The following PLGRKT variants were observed in gnomAD, a reference collection of about 807,000 sequenced individuals.
The protein encoded by PLGRKT is plasminogen receptor with a C-terminal lysine, also known as plasminogen receptor (KT).
In PLGRKT, 22 loss-of-function variants were observed where a neutral mutation model predicts 18.5. The ratio of observed to expected loss-of-function variants is 1.19; its 90% CI spans 0.85 to 1.70. The LOEUF is 1.70. Among genes scored for constraint, PLGRKT ranks in the 40% most tolerant of loss-of-function variants. The pLI is 0.00. For synonymous variants in PLGRKT, 72 were observed against 52.8 expected (o/e 1.36, Z -1.58); for missense variants, 235 against 174.4 (o/e 1.35, Z -1.96).
At chr9:5,385,686 A>G (rs2131101237) in intron 3 of PLGRKT, among the ~76,000 whole-genome samples, 1 of 151,930 alleles carries the variant, frequency 6.6e-6, no homozygotes, top group Admixed American at 6.6e-5. Context: ...AACCCCCAAG[A>G]CAGAGAGGAT....
chr9:5,379,728 T>A (rs953419906), intron 3 of PLGRKT, among the ~76,000 whole-genome samples: 7 of 152,288 alleles, frequency 4.6e-5, no homozygotes, highest in African/African-American at 1.4e-4. Flanking sequence ...ACAACAAACA[T>A]CTCATTTTTG....
chr9:5,434,827 C>T lies in PLGRKT; in HGVS notation c.-7+1742G>A, dbSNP rs529180435. On this transcript the variant is annotated intron_variant, in intron 2 of 5. Coordinates refer to ENST00000223864, the MANE Select transcript of PLGRKT (RefSeq NM_018465.4). ...GTACCCAACAGCTCCGAAGAGACAG[C>T]GACCATCGAGAACGGGCCATGATGA... Among the ~76,000 whole-genome samples the T allele has an allele frequency of 9.9e-5, 15 of 152,222 alleles. No homozygotes were observed. The South Asian group carries it at 1.9e-3, about 19-fold the overall frequency.
Position 5,434,156 on chromosome 9 carries a change from G to A in PLGRKT, c.-6-2173C>T, listed in dbSNP as rs574863690. ...TCTGCCCCGCCGCCACCCCGTCTGG[G>A]AAGTGAGGAGCGCCTCTGCCCGGCC... On this transcript the variant is annotated intron_variant, in intron 2 of 5. Coordinates refer to ENST00000223864, the MANE Select transcript of PLGRKT (RefSeq NM_018465.4). Among the ~76,000 whole-genome samples, 7 of 151,346 alleles carry A rather than the reference G, an allele frequency of 4.6e-5. No individual in the cohort carries two copies. The South Asian group carries it at 1.0e-3, about 23-fold the overall frequency.
chr9:5,434,462 G>C (rs1157705821), intron 2 of PLGRKT, among the ~76,000 whole-genome samples: 4 of 146,340 alleles, frequency 2.7e-5, no homozygotes, highest in African/African-American at 1.0e-4. Flanking sequence ...CCGTCTGGGA[G>C]GTGAGGGGTG....
intron 3 of PLGRKT, among the ~76,000 whole-genome samples, chr9:5,388,651 G>A (rs1563775468): frequency 6.6e-6 from 1 of 152,032 alleles, no homozygotes; most frequent in South Asian, 2.1e-4. Context: ...GCCCTCAGTC[G>A]CCCTGGTCCT....
rs1053546518 is a variant in PLGRKT at position 5,389,338 on chromosome 9, T to C, written c.82-27450A>G. 9.2e-5 allele frequency among the ~76,000 whole-genome samples: 14 copies of C among 151,836 alleles called. 1 individual carries two copies. Among genetic ancestry groups the C allele is most frequent in the African/African-American group, 2.9e-4 (12 of 41,130 alleles). Reference sequence around the variant, plus strand: ...TGGCATGATTACAGAATGGTCTTGTTTTATGTCTTTGTTCATCACAAGTCA... The same window carrying C: ...TGGCATGATTACAGAATGGTCTTGTCTTATGTCTTTGTTCATCACAAGTCA... On this transcript the variant is annotated intron_variant, in intron 3 of 5. Transcript: ENST00000223864.
chr9:5,359,887 C>T (rs551572626), intron 5 of PLGRKT, among the ~76,000 whole-genome samples: 39 of 152,198 alleles, frequency 2.6e-4, no homozygotes, highest in African/African-American at 6.0e-4. Flanking sequence ...GTTTATTACA[C>T]GTGTTATACA....
intron 3 of PLGRKT, among the ~76,000 whole-genome samples, chr9:5,422,922 A>G (rs1818605143): frequency 6.6e-6 from 1 of 152,176 alleles, no homozygotes; most frequent in African/African-American, 2.4e-5. Context: ...TTCTAAATTG[A>G]CAAGATTATA....
At chr9:5,364,355 G>A (rs1038655740) in intron 3 of PLGRKT, among the ~76,000 whole-genome samples, 13 of 152,160 alleles carry the variant, frequency 8.5e-5, no homozygotes, top group African/African-American at 2.9e-4. Flanking sequence ...AGATTACCTG[G>A]GAACTCTCAA....
intron 3 of PLGRKT, among the ~76,000 whole-genome samples, chr9:5,406,237 G>C (rs1441371423): frequency 2.6e-5 from 4 of 152,166 alleles, no homozygotes. Context: ...AATACCATTT[G>C]ACCCAGCAAT....
rs986861939 is a variant in PLGRKT at position 5,358,022 on chromosome 9, C to T, written c.*217G>A. On this transcript the variant is annotated 3_prime_UTR_variant, in exon 6 of 6. Coordinates refer to ENST00000223864, the MANE Select transcript of PLGRKT (RefSeq NM_018465.4). ...ATTTTACACTTAGATATTGGTAATG[C>T]ACACAGAGAGAGGAAATCTAAAAGT... 28 of 396,660 alleles carry T rather than the reference C, an allele frequency of 7.1e-5. No homozygotes were observed. Among genetic ancestry groups the T allele is most frequent in the Non-Finnish European group, 1.2e-4 (27 of 222,940 alleles). The allele number at this position is 396,660 out of a possible 1,614,324, so 24.6% of individuals were successfully genotyped here. A position where few individuals can be genotyped will look rare whatever the true frequency, so the allele number is the denominator to read the frequency against.
Position 5,361,863 on chromosome 9 carries a change from C to T in PLGRKT, c.107G>A (p.Ser36Asn), listed in dbSNP as rs368058805. Reference sequence around the variant, plus strand: ...GGCCATTTGTCTTTCCCTCATTTCACTCTGCATGATGAGCTGCCTTTCCAG... The same window carrying T: ...GGCCATTTGTCTTTCCCTCATTTCATTCTGCATGATGAGCTGCCTTTCCAG... ...LQLERQLIMQSEMRERQMAMQ... is the reference protein window; with the variant it reads ...LQLERQLIMQNEMRERQMAMQ... Residue 36 changes from serine to asparagine, a missense_variant, in exon 4 of 6, where the codon AGT becomes AAT. Physicochemically the swap from Ser to Asn is conservative, Grantham distance 46. Coordinates refer to ENST00000223864, the MANE Select transcript of PLGRKT (RefSeq NM_018465.4). The T allele has an allele frequency of 3.7e-5, 59 of 1,612,996 alleles. No individual in the cohort carries two copies. Among genetic ancestry groups the T allele is most frequent in the Non-Finnish European group, 4.9e-5 (58 of 1,179,580 alleles).
chr9:5,367,063 A>C lies in PLGRKT; in HGVS notation c.82-5175T>G, dbSNP rs901916983. Among the ~76,000 whole-genome samples, 243 of 148,888 alleles carry C rather than the reference A, an allele frequency of 1.6e-3. 2 individuals carry two copies. The highest frequency in any genetic ancestry group is 5.0e-3 in the African/African-American group (197 of 39,614). The stretch of plus-strand genomic sequence containing the variant: ...CACACACACACACACACACACACAC[A>C]CACACCCCTAGGAATGAAAGAAATC... On this transcript the variant is annotated intron_variant, in intron 3 of 5. Transcript: ENST00000223864.
intron 3 of PLGRKT, among the ~76,000 whole-genome samples, chr9:5,419,154 G>C (rs912219631): frequency 1.3e-5 from 2 of 152,212 alleles, no homozygotes; most frequent in African/African-American, 4.8e-5. Flanking sequence ...CTCAGAGCCA[G>C]CAGCGGGGCA....
Position 5,431,967 on chromosome 9 carries a change from A to T in PLGRKT, c.11T>A (p.Ile4Lys). The change falls in exon 3 of 6, where the codon ATA becomes AAA. Residue 4 changes from isoleucine to lysine, a missense_variant. Transcript: ENST00000223864. ...GCTTTCATTCATAGATTTTGAAAAT[A>T]TAAACCCCATTTTGACCTAAAATGT... MGF[I>K]FSKSMNESMK... is the part of the protein sequence containing the mutation. The T allele has an allele frequency of 1.3e-6, 2 of 1,498,850 alleles. No individual in the cohort carries two copies. Among genetic ancestry groups the T allele is most frequent in the Non-Finnish European group, 1.9e-6 (2 of 1,076,646 alleles). 92.8% of individuals were successfully genotyped at this position (1,498,850 alleles called of 1,614,324 possible).
chr9:5,416,550 G>C (rs541530820), intron 3 of PLGRKT, among the ~76,000 whole-genome samples: 2 of 152,060 alleles, frequency 1.3e-5, no homozygotes, highest in African/African-American at 4.8e-5. Flanking sequence ...AAATAATAAA[G>C]CAATCCACCC....
chr9:5,408,468 A>T (rs549326977), intron 3 of PLGRKT, among the ~76,000 whole-genome samples: 11 of 152,386 alleles, frequency 7.2e-5, no homozygotes, highest in African/African-American at 2.6e-4. Context: ...ATTTCTAACC[A>T]GCAAAACATT....
intron 3 of PLGRKT, among the ~76,000 whole-genome samples, chr9:5,395,080 T>G (rs1258570385): frequency 2.0e-5 from 3 of 150,596 alleles, no homozygotes; most frequent in Non-Finnish European, 2.9e-5. Flanking sequence ...TACACTTAGA[T>G]TTTCCTAGTG....
intron 2 of PLGRKT, among the ~76,000 whole-genome samples, chr9:5,435,025 C>A (rs921280522): frequency 6.6e-6 from 1 of 151,840 alleles, no homozygotes; most frequent in East Asian, 1.9e-4. Flanking sequence ...TACCCCCAAC[C>A]CCCTGCTCTC....
Sources: gnomAD v4.1 joint callset for allele counts (sites outside exome capture counted in the v4.1 genomes callset) on GRCh38, gnomAD v4.1.1 for gene constraint, MANE v1.5 for transcripts, NCBI Gene and HGNC (gene_info 2026-07-23, HGNC 2026-07-21) for gene names.